SYT9: variants seen among roughly 807,000 people sequenced by gnomAD.
SYT9 encodes the protein synaptotagmin 9.
Under a neutral mutation model 48.4 loss-of-function variants are expected in SYT9, and 22 were observed. That is an observed-to-expected ratio of 0.45 (90% CI 0.32 to 0.65). The LOEUF (loss-of-function observed/expected upper bound fraction) is 0.65. Among genes scored for constraint, SYT9 ranks in the 30% least tolerant of loss-of-function variants. The probability of loss-of-function intolerance (pLI) is 0.03; values close to 1 mark genes in which losing one functional copy is unlikely to be tolerated. For synonymous variants in SYT9, 265 were observed against 245.0 expected (o/e 1.08, Z -0.76); for missense variants, 577 against 622.0 (o/e 0.93, Z 0.77).
At chr11:7,267,403 G>T (rs1050198703) in intron 1 of SYT9, among the ~76,000 whole-genome samples, 10 of 151,594 alleles carry the variant, frequency 6.6e-5, no homozygotes, top group African/African-American at 2.4e-4. Flanking sequence ...GGTAAAAATC[G>T]CATGGGCCAC....
intron 3 of SYT9, among the ~76,000 whole-genome samples, chr11:7,380,347 A>T (rs536677203): frequency 6.6e-6 from 1 of 152,220 alleles, no homozygotes; most frequent in South Asian, 2.1e-4. Context: ...AATTAGAATG[A>T]ATAAGACCTA....
At chr11:7,332,740 C>T (rs1194389533) in intron 3 of SYT9, among the ~76,000 whole-genome samples, 5 of 152,176 alleles carry the variant, frequency 3.3e-5, no homozygotes, top group Non-Finnish European at 7.3e-5. Context: ...TTTGCTGCAT[C>T]CCCTTCACAC....
chr11:7,278,154 G>A (rs755964867), intron 1 of SYT9, among the ~76,000 whole-genome samples: 5 of 152,114 alleles, frequency 3.3e-5, no homozygotes, highest in Non-Finnish European at 5.9e-5. Context: ...TCGAGGCAGG[G>A]TATCACAGGG....
At chr11:7,462,063 G>T (rs964552181) in intron 6 of SYT9, among the ~76,000 whole-genome samples, 1 of 151,900 alleles carries the variant, frequency 6.6e-6, no homozygotes, top group Non-Finnish European at 1.5e-5. Flanking sequence ...TTCATTTCTG[G>T]ACTAAGAATC....
chr11:7,367,989 A>G (rs1188217462), intron 3 of SYT9, among the ~76,000 whole-genome samples: 4 of 152,222 alleles, frequency 2.6e-5, no homozygotes, highest in Admixed American at 1.3e-4. Context: ...TCATTTTACA[A>G]AAGAAGAAAC....
chr11:7,323,182 C>A (rs1010443155), intron 3 of SYT9, among the ~76,000 whole-genome samples: 1 of 152,024 alleles, frequency 6.6e-6, no homozygotes, highest in African/African-American at 2.4e-5. Context: ...TAAATACATG[C>A]AGGAATTTCT....
At chr11:7,271,622 G>A (rs1031850950) in intron 1 of SYT9, among the ~76,000 whole-genome samples, 3 of 152,150 alleles carry the variant, frequency 2.0e-5, no homozygotes, top group African/African-American at 4.8e-5. Context: ...TGTCACCCAG[G>A]TTGGAGTGCA....
intron 1 of SYT9, among the ~76,000 whole-genome samples, chr11:7,278,371 C>T (rs934995121): frequency 6.6e-6 from 1 of 152,206 alleles, no homozygotes; most frequent in African/African-American, 2.4e-5. Context: ...GATTAAGTTT[C>T]AACATGAGTT....
intron 3 of SYT9, among the ~76,000 whole-genome samples, chr11:7,373,759 G>A (rs951157546): frequency 2.6e-5 from 4 of 152,028 alleles, no homozygotes; most frequent in African/African-American, 7.3e-5. Context: ...CCAGATGTTT[G>A]GAAGCACCTG....
At chr11:7,334,634 C>CTTGCTGCCACCCATCCCCCCAA (rs1849601857) in intron 3 of SYT9, among the ~76,000 whole-genome samples, 1 of 139,936 alleles carries the variant, frequency 7.1e-6, no homozygotes, top group Admixed American at 7.3e-5. Context: ...CCTGCCTCCA[C>CTTGCTGCCACCCATCCCCCCAA]TCCCTGCCAC....
chr11:7,405,733 A>T (rs1282840694), intron 3 of SYT9, among the ~76,000 whole-genome samples: 2 of 152,230 alleles, frequency 1.3e-5, no homozygotes, highest in Non-Finnish European at 2.9e-5. Flanking sequence ...AATGAATGAC[A>T]TAGGCTAGTA....
At chr11:7,244,454 C>T (rs956995245) in intron 1 of SYT9, among the ~76,000 whole-genome samples, 1 of 152,176 alleles carries the variant, frequency 6.6e-6, no homozygotes, top group Admixed American at 6.5e-5. Flanking sequence ...AGATTAAAGG[C>T]TATTGATGCC....
intron 3 of SYT9, among the ~76,000 whole-genome samples, chr11:7,407,857 G>A (rs1225695390): frequency 2.0e-5 from 3 of 152,094 alleles, no homozygotes; most frequent in Non-Finnish European, 1.5e-5. Flanking sequence ...ATTCATTTCT[G>A]TACTATCTAT....
chr11:7,440,341 C>G (rs527397399), intron 6 of SYT9: 51 of 152,300 alleles, frequency 3.3e-4, no homozygotes, highest in African/African-American at 1.2e-3. Flanking sequence ...GTCACCCTTA[C>G]AAGAAGAGAA....
Position 7,432,598 on chromosome 11 carries a change from T to A in SYT9, c.1467+11963T>A, listed in dbSNP as rs1195426184. On this transcript the variant is annotated intron_variant, in intron 6 of 6. Coordinates refer to ENST00000318881, the MANE Select transcript of SYT9 (RefSeq NM_175733.4). ...AAAAAAAAAAATATATATACATATA[T>A]ATATATATATATATATATATATATA... 4.0e-3 allele frequency among the ~76,000 whole-genome samples: 27 copies of A among 6,716 alleles called. 5 individuals carry two copies. Among genetic ancestry groups the A allele is most frequent in the South Asian group, 0.026 (3 of 116 alleles). 4.4% of individuals were successfully genotyped at this position (6,716 alleles called of 152,430 possible). A position where few individuals can be genotyped will look rare whatever the true frequency, so the allele number is the denominator to read the frequency against.
At chr11:7,408,075 T>C (rs190502078) in intron 3 of SYT9, among the ~76,000 whole-genome samples, 1 of 152,286 alleles carries the variant, frequency 6.6e-6, no homozygotes, top group African/African-American at 2.4e-5. Context: ...TTACATTGGT[T>C]TTTTGATAGA....
intron 1 of SYT9, among the ~76,000 whole-genome samples, chr11:7,257,694 T>C (rs1355493553): frequency 6.6e-6 from 1 of 152,170 alleles, no homozygotes; most frequent in Admixed American, 6.6e-5. Flanking sequence ...AAATTAATGT[T>C]AATTGCAATC....
At chr11:7,312,043 C>T (rs1849144481) in intron 2 of SYT9, among the ~76,000 whole-genome samples, 1 of 151,318 alleles carries the variant, frequency 6.6e-6, no homozygotes, top group African/African-American at 2.4e-5. Context: ...AGTTTTTGTG[C>T]ATGTGGGAAT....
chr11:7,369,794 A>AACACACACACAC lies in SYT9; in HGVS notation c.1045-46230_1045-46219dup, dbSNP rs58554896. 8.8e-4 allele frequency among the ~76,000 whole-genome samples: 127 copies of AACACACACACAC among 143,974 alleles called. 4 individuals are homozygous for AACACACACACAC. The East Asian group carries it at 0.015, about 17-fold the overall frequency. 94.5% of individuals were successfully genotyped at this position (143,974 alleles called of 152,430 possible). ...CATACACACCACACACACACACACA[A>AACACACACACAC]ACACACACACACACACACACACACA... On this transcript the variant is annotated intron_variant, in intron 3 of 6. Transcript: ENST00000318881.
Sources: allele counts gnomAD v4.1 joint callset (sites outside exome capture counted in the v4.1 genomes callset), GRCh38; gene constraint gnomAD v4.1.1; transcripts MANE v1.5; gene names NCBI Gene and HGNC (gene_info 2026-07-23, HGNC 2026-07-21).